The following RBM42 variants were observed in gnomAD, a reference collection of about 807,000 sequenced individuals.
RBM42 encodes RNA binding motif protein 42, also known as RNA-binding protein 42.
In RBM42, 21 loss-of-function variants were observed where a neutral mutation model predicts 41.4. The ratio of observed to expected loss-of-function variants is 0.51; its 90% CI spans 0.36 to 0.73. The LOEUF (loss-of-function observed/expected upper bound fraction) is 0.73, where lower values mean the gene tolerates loss of function less well. Ranked by LOEUF, RBM42 falls within the 30% of genes least tolerant of loss-of-function variation. RBM42 has a pLI of 0.00. For synonymous variants in RBM42, 272 were observed against 271.2 expected (o/e 1.00, Z -0.03); for missense variants, 539 against 680.4 (o/e 0.79, Z 2.31).
At chr19:35,631,713 A>C in intron 4 of RBM42, 1 of 416,032 alleles carries the variant, frequency 2.4e-6, no homozygotes, top group East Asian at 5.1e-5. Flanking sequence ...CTAAAATAAA[A>C]GCTCCATGAG....
chr19:35,634,334 A>G lies in RBM42; in HGVS notation c.1096A>G (p.Ser366Gly), dbSNP rs774509480. The G allele has an allele frequency of 1.2e-6, 2 of 1,614,108 alleles. No homozygotes were observed. The highest frequency in any genetic ancestry group is 2.2e-5 in the East Asian group (1 of 44,868). The change falls in exon 8 of 10, where the codon AGC becomes GGC. Residue 366 changes from serine (S) to glycine (G), a missense_variant. Around this residue, in one of 2 missense-constraint regions of RBM42, gnomAD observed 110 missense variants for 191.5 expected, o/e 0.57. Transcript: ENST00000262633. The part of the protein sequence containing the change: ...LKRCIRTAAG[S>G]SWEDPSLLEW... ...ACGGTGCATTCGCACAGCGGCAGGG[A>G]GCAGCTGGGAGGACCCCAGCCTGCT...
Position 35,631,124 on chromosome 19 carries a change from A to ACCTCTT in RBM42, c.283-11_283-6dup. On this transcript the variant is annotated splice_polypyrimidine_tract_variant and intron_variant, in intron 2 of 9. Coordinates refer to ENST00000262633, the MANE Select transcript of RBM42 (RefSeq NM_024321.5). ...ATGCTGAGTCAGGCCCCTCACCCTG[A>ACCTCTT]CCTCTTCCTCGACAGGTCCAGCAGA... 6.2e-7 allele frequency: 1 copy of ACCTCTT among 1,612,834 alleles called. No individual in the cohort carries two copies. The highest frequency in any genetic ancestry group is 1.7e-5 in the Admixed American group (1 of 60,000).
chr19:35,634,261 A>C lies in RBM42; in HGVS notation c.1023A>C (p.Pro341=). The change falls in exon 8 of 10, where the codon CCA becomes CCC. Residue 341 remains proline, a synonymous_variant. Coordinates refer to ENST00000262633, the MANE Select transcript of RBM42 (RefSeq NM_024321.5). The part of the protein sequence containing the change: ...PPPGLMALEV[P]EPLGEDKKKG... ...CTCTCCCCTTTCCTCTGCAGGTCCCAGAGCCCCTGGGTGAAGACAAGAAGA... is the reference window on the plus strand; with the variant it reads ...CTCTCCCCTTTCCTCTGCAGGTCCCCGAGCCCCTGGGTGAAGACAAGAAGA... 6.2e-7 allele frequency: 1 copy of C among 1,614,088 alleles called. No individual in the cohort carries two copies. The highest frequency in any genetic ancestry group is 2.2e-5 in the East Asian group (1 of 44,878).
rs1568333356 is a variant in RBM42, at chr19:35,629,295, CAG to C, written c.128+19_128+20del. The C allele has an allele frequency of 1.3e-6, 2 of 1,514,548 alleles. No homozygotes were observed. The highest frequency in any genetic ancestry group is 1.8e-6 in the Non-Finnish European group (2 of 1,134,080). The allele number at this position is 1,514,548 out of a possible 1,614,324, so 93.8% of individuals were successfully genotyped here. ...GGAGATGGCCCTGTAAGGCCCGCGA[CAG>C]AGAGTGATAAAAGTCGTCCCAGAGC... On this transcript the variant is annotated intron_variant, in intron 1 of 9. Transcript: ENST00000262633.
chr19:35,631,460 C>G, intron 4 of RBM42, 55 bp downstream of exon 4: 1 of 1,502,072 alleles, frequency 6.7e-7, no homozygotes, highest in Non-Finnish European at 9.2e-7. Context: ...GTTTACATGA[C>G]TTCAGCCTCT....
chr19:35,633,953 C>T lies in RBM42; in HGVS notation c.951C>T (p.Leu317=), dbSNP rs773481903. 2 of 1,567,894 alleles carry T rather than the reference C, an allele frequency of 1.3e-6. No homozygotes were observed. Among genetic ancestry groups the T allele is most frequent in the Non-Finnish European group, 1.7e-6 (2 of 1,162,506 alleles). ...TGCCCCCGCTGCGCATTCCTGAACT[C>T]CTGTCCCTGCGTCCTCGGCCCCGGC... ...GLLPPLRIPE[L]LSLRPRPRPP... The change falls in exon 7 of 10, where the codon CTC becomes CTT. Residue 317 remains leucine (L), a synonymous_variant. Transcript: ENST00000262633.
At chr19:35,633,614 T>C (rs1967444060) in intron 6 of RBM42, 73 bp from the exon 7 acceptor site, 2 of 1,349,278 alleles carry the variant, frequency 1.5e-6, no homozygotes, top group South Asian at 1.9e-5. Flanking sequence ...CTTTCTTTGT[T>C]GGATGGAATG....
chr19:35,634,073 G>T, intron 7 of RBM42, 54 bp downstream of exon 7: 1 of 1,473,160 alleles, frequency 6.8e-7, no homozygotes, highest in South Asian at 1.4e-5. Context: ...GCAGACAGGA[G>T]CCCAGGAACT....
intron 1 of RBM42, 80 bp from the exon 2 acceptor site, chr19:35,629,440 T>A: frequency 1.3e-6 from 2 of 1,575,538 alleles, no homozygotes; most frequent in Non-Finnish European, 1.7e-6. Flanking sequence ...TTGGCAGGGG[T>A]GAGGGTCCCC....
chr19:35,633,275 C>T (rs768072915), intron 6 of RBM42, 23 bp downstream of exon 6: 62 of 1,528,658 alleles, frequency 4.1e-5, no homozygotes, highest in Non-Finnish European at 5.1e-5. Flanking sequence ...AGGGAACTAA[C>T]GGTCAGATGT....
intron 8 of RBM42, among the ~76,000 whole-genome samples, chr19:35,636,073 G>A (rs759821045): frequency 5.3e-5 from 8 of 151,740 alleles, no homozygotes; most frequent in South Asian, 2.1e-4. Flanking sequence ...TCCTGGGACC[G>A]TCTACCTGGC....
intron 8 of RBM42, among the ~76,000 whole-genome samples, chr19:35,634,591 G>A (rs553809954): frequency 4.3e-4 from 65 of 151,672 alleles, no homozygotes; most frequent in Admixed American, 1.9e-3. Context: ...TTTGTAGCCT[G>A]TTTTACTCAT....
At chr19:35,636,661 G>A (rs1045526988) in intron 8 of RBM42, among the ~76,000 whole-genome samples, 2 of 152,162 alleles carry the variant, frequency 1.3e-5, no homozygotes, top group Admixed American at 6.6e-5. Flanking sequence ...AAGGAAGCAG[G>A]GCTGAGGAAA....
chr19:35,634,625 TTC>T (rs2146352380), intron 8 of RBM42, among the ~76,000 whole-genome samples: 1 of 152,096 alleles, frequency 6.6e-6, no homozygotes, highest in East Asian at 1.9e-4. Flanking sequence ...TCAGAGAGCA[TTC>T]TTTTTTTTTC....
At chr19:35,635,556 C>T (rs1052888493) in intron 8 of RBM42, among the ~76,000 whole-genome samples, 8 of 139,662 alleles carry the variant, frequency 5.7e-5, no homozygotes, top group African/African-American at 2.2e-4. Flanking sequence ...CTTGCTCCAT[C>T]GCCCAGGCTG....
At chr19:35,629,754 C>A (rs547954887) in intron 2 of RBM42, 81 bp downstream of exon 2, 2 of 1,485,258 alleles carry the variant, frequency 1.3e-6, no homozygotes, top group Non-Finnish European at 1.8e-6. Context: ...GAGCTGTTGA[C>A]GTTTTGGCTT....
intron 8 of RBM42, among the ~76,000 whole-genome samples, chr19:35,636,356 C>T (rs1599608978): frequency 6.6e-6 from 1 of 152,070 alleles, no homozygotes; most frequent in Non-Finnish European, 1.5e-5. Context: ...GATGGAGTTT[C>T]ACCATGTTGG....
intron 2 of RBM42, 147 bp from the exon 3 acceptor site, chr19:35,630,993 C>G (rs1369656371): frequency 2.9e-6 from 2 of 692,092 alleles, no homozygotes; most frequent in East Asian, 5.1e-5. Flanking sequence ...AAAAAGCCTC[C>G]CCGAGAAGTG....
Position 35,631,328 on chromosome 19 carries a change from C to T in RBM42, c.368-3C>T, listed in dbSNP as rs1451845156. The T allele has an allele frequency of 1.7e-5, 27 of 1,614,080 alleles. No individual in the cohort carries two copies. The highest frequency in any genetic ancestry group is 3.3e-5 in the Admixed American group (2 of 60,008). On this transcript the variant is annotated splice_polypyrimidine_tract_variant and splice_region_variant and intron_variant, in intron 3 of 9. Transcript: ENST00000262633. ...ACCATCCTTGCCTCTCCCCTCCCAA[C>T]AGTTGGCTTTGGCCCTGGTGATCGG...
Sources: gnomAD v4.1 joint callset for allele counts (sites outside exome capture counted in the v4.1 genomes callset) on GRCh38, gnomAD v4.1.1 for gene constraint, gnomAD v4.1.1 regional missense constraint, MANE v1.5 for transcripts, NCBI Gene and HGNC (gene_info 2026-07-23, HGNC 2026-07-21) for gene names.